ITPR3: variants seen among roughly 807,000 people sequenced by gnomAD.
ITPR3 encodes the protein inositol 1,4,5-trisphosphate-gated calcium channel ITPR3.
A neutral mutation model predicts 293.2 loss-of-function variants in ITPR3; 173 were observed. That is an observed-to-expected ratio of 0.59 (90% CI 0.52 to 0.67). The LOEUF is 0.67. ITPR3 is among the 30% of genes least tolerant of loss of function. ITPR3 has a pLI of 0.00. For synonymous variants in ITPR3, 1,295 were observed against 1,444.4 expected (o/e 0.90, Z 2.35); for missense variants, 2,796 against 3,592.1 (o/e 0.78, Z 5.66).
chr6:33,635,264 A>G (rs1763793194), intron 1 of ITPR3, among the ~76,000 whole-genome samples: 1 of 152,182 alleles, frequency 6.6e-6, no homozygotes, highest in Admixed American at 6.5e-5. Flanking sequence ...CACGGCTGGT[A>G]CCACCAGTCG....
In ITPR3 at chr6:33,672,051, C is replaced by A. The variant is rs1034967238; in HGVS notation, c.2751C>A (p.Ile917=). 1 of 1,610,000 alleles carries A rather than the reference C, an allele frequency of 6.2e-7. No homozygotes were observed. The highest frequency in any genetic ancestry group is 8.5e-7 in the Non-Finnish European group (1 of 1,177,544). The part of the protein sequence containing the change: ...DPGGKNVRRS[I]QGVGHMMSTM... ...CAGGCAAGAATGTGCGGCGGTCCAT[C>A]CAGGGCGTGGGGCACATGATGTCCA... The change falls in exon 22 of 58, where the codon ATC becomes ATA. Residue 917 remains isoleucine, a synonymous_variant. Coordinates refer to ENST00000605930, the MANE Select transcript of ITPR3 (RefSeq NM_002224.4). The surrounding 1 kb of genome is among the most constrained non-coding windows in gnomAD (Gnocchi z 5.0).
Position 33,672,323 on chromosome 6 carries a change from C to A in ITPR3, c.2928+95C>A. The A allele has an allele frequency of 4.6e-6, 5 of 1,098,122 alleles. No individual in the cohort carries two copies. The highest frequency in any genetic ancestry group is 6.7e-6 in the Non-Finnish European group (5 of 750,472). 68.0% of individuals were successfully genotyped at this position (1,098,122 alleles called of 1,614,324 possible). ...CTGGGCAGGGCGAACCCCTTCAGATCTCAGTATTTAGTACTGGAAGTCTCC... is the reference window on the plus strand; with the variant it reads ...CTGGGCAGGGCGAACCCCTTCAGATATCAGTATTTAGTACTGGAAGTCTCC... On this transcript the variant is annotated intron_variant, in intron 22 of 57. Coordinates refer to ENST00000605930, the MANE Select transcript of ITPR3 (RefSeq NM_002224.4). The surrounding 1 kb of genome is among the most constrained non-coding windows in gnomAD (Gnocchi z 5.0).
chr6:33,664,766 G>T lies in ITPR3; in HGVS notation c.1149-104G>T. On this transcript the variant is annotated intron_variant, in intron 11 of 57. Transcript: ENST00000605930. This position sits in a 1 kb window ranked among gnomAD's most constrained non-coding sequence, Gnocchi z 4.4. ...CTGTCCCACAGCTGTTGAGGGTGTG[G>T]AGTAGGGTGGCAGCTGTGGCAGTGT... The T allele has an allele frequency of 1.1e-6, 1 of 909,278 alleles. No individual in the cohort carries two copies. The highest frequency in any genetic ancestry group is 1.7e-6 in the Non-Finnish European group (1 of 574,132). The allele number at this position is 909,278 out of a possible 1,614,324, so 56.3% of individuals were successfully genotyped here.
intron 6 of ITPR3, 76 bp from the exon 7 acceptor site, chr6:33,659,390 C>A (rs979831522): frequency 7.5e-7 from 1 of 1,339,592 alleles, no homozygotes. Context: ...TGGGCTGCTT[C>A]TTCCCTTCAG....
In ITPR3 at chr6:33,685,346, T is replaced by TGTCCACC; in HGVS notation, c.5308-12_5308-6dup. The stretch of plus-strand genomic sequence containing the variant: ...AGTGCTGAGGTTGTTCCCTGGCCAC[T>TGTCCACC]GTCCACCTCCAGAAATCCTTCCACA... On this transcript the variant is annotated splice_polypyrimidine_tract_variant and intron_variant, in intron 39 of 57. Transcript: ENST00000605930. 6 of 1,604,422 alleles carry TGTCCACC rather than the reference T, an allele frequency of 3.7e-6. No homozygotes were observed. The highest frequency in any genetic ancestry group is 5.1e-6 in the Non-Finnish European group (6 of 1,172,246).
At chr6:33,669,195 C>A (rs1326694462) in intron 18 of ITPR3, 39 bp downstream of exon 18, 1 of 1,592,344 alleles carries the variant, frequency 6.3e-7, no homozygotes, top group Admixed American at 1.7e-5. Context: ...CTTCCTGTGC[C>A]TTTGGGCCTT....
At position 33,684,015 on chromosome 6, in the gene ITPR3, C is replaced by A. The variant is rs747251758; in HGVS notation, c.4789-5C>A. Reference sequence around the variant, plus strand: ...CTGGCAATGACTCTGCCCTGCCCACCCCAGGACATCATCACAGCCCTGGAG... The same window carrying A: ...CTGGCAATGACTCTGCCCTGCCCACACCAGGACATCATCACAGCCCTGGAG... On this transcript the variant is annotated splice_polypyrimidine_tract_variant and splice_region_variant and intron_variant, in intron 35 of 57. Coordinates refer to ENST00000605930, the MANE Select transcript of ITPR3 (RefSeq NM_002224.4). This position sits in a 1 kb window ranked among gnomAD's most constrained non-coding sequence, Gnocchi z 4.2. The A allele has an allele frequency of 6.2e-7, 1 of 1,600,318 alleles. No homozygotes were observed. The highest frequency in any genetic ancestry group is 8.5e-7 in the Non-Finnish European group (1 of 1,173,572).
At chr6:33,660,280 G>A (rs1321450510) in intron 7 of ITPR3, among the ~76,000 whole-genome samples, 3 of 152,084 alleles carry the variant, frequency 2.0e-5, no homozygotes, top group African/African-American at 7.2e-5. Context: ...AGGAACATCA[G>A]CTGTGAAACC....
chr6:33,690,809 GA>G, intron 51 of ITPR3, 107 bp from the exon 52 acceptor site: 1 of 1,041,494 alleles, frequency 9.6e-7, no homozygotes, highest in Non-Finnish European at 1.4e-6. Flanking sequence ...GGAGCCTTGG[GA>G]AACTGTCTGG....
In ITPR3 at chr6:33,662,579, G is replaced by T; in HGVS notation, c.763G>T (p.Asp255Tyr). 6.2e-7 allele frequency: 1 copy of T among 1,611,742 alleles called. No individual in the cohort carries two copies. The highest frequency in any genetic ancestry group is 2.2e-5 in the East Asian group (1 of 44,806). Reference protein sequence around the residue: ...HAEQEKFLTCDEYKGKLQVFL... With the variant: ...HAEQEKFLTCYEYKGKLQVFL... ...GGAGCAGGAGAAGTTCCTGACGTGT[G>T]ACGAGTACAAGGGCAAGCTGCAGGT... Residue 255 changes from aspartate to tyrosine, a missense_variant, in exon 8 of 58, where the codon GAC (aspartate) becomes TAC (tyrosine). Physicochemically the swap from Asp to Tyr is radical, Grantham distance 160. Transcript: ENST00000605930.
intron 1 of ITPR3, among the ~76,000 whole-genome samples, chr6:33,626,357 C>T (rs1373271192): frequency 1.3e-5 from 2 of 152,228 alleles, no homozygotes; most frequent in African/African-American, 4.8e-5. Flanking sequence ...AAAATTTCAG[C>T]TCCCAAGTCC....
At position 33,666,123 on chromosome 6, in the gene ITPR3, G is replaced by A; in HGVS notation, c.1551+147G>A. On this transcript the variant is annotated intron_variant, in intron 14 of 57. Coordinates refer to ENST00000605930, the MANE Select transcript of ITPR3 (RefSeq NM_002224.4). This position sits in a 1 kb window ranked among gnomAD's most constrained non-coding sequence, Gnocchi z 5.1. ...AGGGACTTCCCTAAGTACCCCACATGTGTTGACGAATTTGATCCTCACTGC... is the reference window on the plus strand; with the variant it reads ...AGGGACTTCCCTAAGTACCCCACATATGTTGACGAATTTGATCCTCACTGC... 1 of 896,196 alleles carries A rather than the reference G, an allele frequency of 1.1e-6. No individual in the cohort carries two copies. The highest frequency in any genetic ancestry group is 2.0e-5 in the South Asian group (1 of 51,022). 55.5% of individuals were successfully genotyped at this position (896,196 alleles called of 1,614,324 possible). A position where few individuals can be genotyped will look rare whatever the true frequency, so the allele number is the denominator to read the frequency against.
chr6:33,637,624 A>G (rs1582105570), intron 1 of ITPR3, among the ~76,000 whole-genome samples: 1 of 144,818 alleles, frequency 6.9e-6, no homozygotes, highest in African/African-American at 2.6e-5. Flanking sequence ...GTGTGCCACT[A>G]CACCCAGCGA....
intron 49 of ITPR3, 125 bp downstream of exon 49, chr6:33,688,906 C>T: frequency 7.9e-7 from 1 of 1,261,834 alleles, no homozygotes; most frequent in Non-Finnish European, 1.1e-6. Context: ...AGAAGCACCC[C>T]CTGCGCCATC....
At chr6:33,689,176 G>T in intron 49 of ITPR3, 62 bp from the exon 50 acceptor site, 6 of 1,576,858 alleles carry the variant, frequency 3.8e-6, no homozygotes, top group Non-Finnish European at 5.2e-6. Context: ...GCACCTGTTG[G>T]ACCTGCTCTG....
At chr6:33,695,574 AG>A in intron 57 of ITPR3, 137 bp from the exon 58 acceptor site, 1 of 768,606 alleles carries the variant, frequency 1.3e-6, no homozygotes, top group Non-Finnish European at 2.2e-6. Context: ...AAGCACCCCG[AG>A]GGGCCCTGGC....
At chr6:33,637,450 T>C (rs1050784536) in intron 1 of ITPR3, among the ~76,000 whole-genome samples, 11 of 152,196 alleles carry the variant, frequency 7.2e-5, no homozygotes, top group Non-Finnish European at 1.3e-4. Context: ...CCCAGCTCTC[T>C]GAACCTGGTT....
chr6:33,689,338 C>T lies in ITPR3; in HGVS notation c.6795C>T (p.Ile2265=), dbSNP rs1316021891. 4 of 1,612,790 alleles carry T rather than the reference C, an allele frequency of 2.5e-6. No individual in the cohort carries two copies. Among genetic ancestry groups the T allele is most frequent in the East Asian group, 2.2e-5 (1 of 44,878 alleles). ...FTKRYSIRPL[I]VALILRSIYY... is the part of the protein sequence containing the mutation. Reference sequence around the variant, plus strand: ...AGCGCTACAGCATCCGCCCCCTCATCGTGGCGCTCATCCTGCGCTCCATCT... The same window carrying T: ...AGCGCTACAGCATCCGCCCCCTCATTGTGGCGCTCATCCTGCGCTCCATCT... Residue 2265 remains isoleucine (I), a synonymous_variant, in exon 50 of 58, where the codon ATC becomes ATT. Transcript: ENST00000605930.
chr6:33,681,109 G>A (rs1269242807), intron 33 of ITPR3, among the ~76,000 whole-genome samples: 5 of 152,104 alleles, frequency 3.3e-5, no homozygotes, highest in African/African-American at 7.2e-5. Context: ...GTGAACCACC[G>A]CGCCCGGCCT....
Sources: allele counts gnomAD v4.1 joint callset (sites outside exome capture counted in the v4.1 genomes callset), GRCh38; gene constraint gnomAD v4.1.1; non-coding constraint Gnocchi (gnomAD v3.1); transcripts MANE v1.5; gene names NCBI Gene and HGNC (gene_info 2026-07-23, HGNC 2026-07-21).